Variants in PCCA observed in about 807,000 individuals in gnomAD.
PCCA encodes propionyl-CoA carboxylase subunit alpha, also known as propionyl-CoA carboxylase alpha chain, mitochondrial.
PCCA carries 74 observed loss-of-function variants against 101.3 expected under a neutral mutation model. The ratio of observed to expected loss-of-function variants is 0.73; its 90% CI spans 0.61 to 0.89. PCCA has a LOEUF of 0.89. Ranked by LOEUF, PCCA falls within the 40% of genes least tolerant of loss-of-function variation. The pLI is 0.00. For missense variants in PCCA, 891 were observed against 907.0 expected (o/e 0.98, Z 0.23); for synonymous variants, 294 against 313.6 (o/e 0.94, Z 0.66).
At chr13:100,134,518 A>G (rs1172849152) in intron 4 of PCCA, among the ~76,000 whole-genome samples, 2 of 152,140 alleles carry the variant, frequency 1.3e-5, no homozygotes, top group African/African-American at 4.8e-5. Flanking sequence ...CTTCCAATCC[A>G]TGAACATGGC....
chr13:100,378,780 C>A (rs995052231), intron 19 of PCCA, among the ~76,000 whole-genome samples: 3 of 151,832 alleles, frequency 2.0e-5, no homozygotes, highest in African/African-American at 4.8e-5. Context: ...GTGTCTGATT[C>A]TTTTTTATGA....
chr13:100,242,928 A>C (rs2061234796), intron 8 of PCCA, among the ~76,000 whole-genome samples: 1 of 152,054 alleles, frequency 6.6e-6, no homozygotes, highest in African/African-American at 2.4e-5. Context: ...ACAGAGTCTC[A>C]TTCTGTTGCC....
intron 21 of PCCA, among the ~76,000 whole-genome samples, chr13:100,506,932 C>G (rs2086127210): frequency 1.3e-5 from 2 of 152,096 alleles, no homozygotes; most frequent in African/African-American, 4.8e-5. Flanking sequence ...CTTCATTGTA[C>G]CCCAAATTAT....
chr13:100,132,658 T>A (rs2050666724), intron 4 of PCCA, among the ~76,000 whole-genome samples: 1 of 152,214 alleles, frequency 6.6e-6, no homozygotes, highest in Non-Finnish European at 1.5e-5. Flanking sequence ...TATAAATATC[T>A]AGGAGTGGGA....
At chr13:100,165,729 C>G (rs542035781) in intron 6 of PCCA, among the ~76,000 whole-genome samples, 3 of 152,162 alleles carry the variant, frequency 2.0e-5, no homozygotes, top group African/African-American at 7.2e-5. Flanking sequence ...CTTCAGCATG[C>G]AGTTTTTAAA....
intron 4 of PCCA, among the ~76,000 whole-genome samples, chr13:100,154,010 C>G (rs769208514): frequency 5.9e-5 from 9 of 151,676 alleles, no homozygotes; most frequent in Non-Finnish European, 7.4e-5. Context: ...ACTGAAGACT[C>G]TAACAGAAAT....
chr13:100,264,007 ATATATACGGTATCTGTATATCG>A (rs1342691146), intron 10 of PCCA, among the ~76,000 whole-genome samples: 86 of 149,698 alleles, frequency 5.7e-4, no homozygotes, highest in African/African-American at 2.0e-3. Context: ...TGTATATCGT[ATATATACGGTATCTGTATATCG>A]TATATATACG....
At chr13:100,125,945 G>C (rs958817520) in intron 4 of PCCA, among the ~76,000 whole-genome samples, 1 of 152,182 alleles carries the variant, frequency 6.6e-6, no homozygotes, top group Non-Finnish European at 1.5e-5. Context: ...GCAATGGCTC[G>C]TCTGGGAGTT....
intron 21 of PCCA, among the ~76,000 whole-genome samples, chr13:100,485,378 C>T (rs533185609): frequency 6.6e-6 from 1 of 152,292 alleles, no homozygotes; most frequent in African/African-American, 2.4e-5. Flanking sequence ...AGTTTCTAGG[C>T]AAGGTTTCTG....
chr13:100,342,966 G>A (rs1040667386), intron 18 of PCCA, among the ~76,000 whole-genome samples: 5 of 151,904 alleles, frequency 3.3e-5, no homozygotes, highest in African/African-American at 1.2e-4. Context: ...AAGTGATCCA[G>A]TCCACCAGCC....
chr13:100,202,320 C>A (rs895832663), intron 6 of PCCA, among the ~76,000 whole-genome samples: 4 of 152,070 alleles, frequency 2.6e-5, no homozygotes, highest in Admixed American at 2.0e-4. Context: ...GGTAACAGAG[C>A]AAGACCCTGT....
chr13:100,334,936 A>G (rs754331942), intron 17 of PCCA, among the ~76,000 whole-genome samples: 1 of 152,218 alleles, frequency 6.6e-6, no homozygotes, highest in Non-Finnish European at 1.5e-5. Flanking sequence ...TGAGATTCAG[A>G]CTGGATTAAT....
intron 21 of PCCA, among the ~76,000 whole-genome samples, chr13:100,504,002 T>C (rs914157806): frequency 2.6e-5 from 4 of 152,248 alleles, no homozygotes; most frequent in Non-Finnish European, 4.4e-5. Flanking sequence ...GAGTAAAAGA[T>C]ATACAATAAA....
chr13:100,129,833 A>G (rs918219216), intron 4 of PCCA, among the ~76,000 whole-genome samples: 2 of 152,162 alleles, frequency 1.3e-5, no homozygotes, highest in African/African-American at 4.8e-5. Flanking sequence ...TTGTGAGAAC[A>G]TTCTCGCCAT....
chr13:100,253,854 A>ATT (rs71114677), intron 8 of PCCA, among the ~76,000 whole-genome samples: 7 of 138,380 alleles, frequency 5.1e-5, no homozygotes, highest in African/African-American at 1.7e-4. Context: ...CTAGAGCCTG[A>ATT]TTTTTTTTTT....
chr13:100,359,075 G>C (rs1202305719), intron 18 of PCCA, among the ~76,000 whole-genome samples: 6 of 130,210 alleles, frequency 4.6e-5, no homozygotes, highest in African/African-American at 1.8e-4. Flanking sequence ...ACTCCAGCCT[G>C]GGCAACAGAG....
intron 19 of PCCA, among the ~76,000 whole-genome samples, chr13:100,410,362 C>T (rs1034801759): frequency 1.3e-5 from 2 of 152,148 alleles, no homozygotes; most frequent in Non-Finnish European, 2.9e-5. Context: ...CCTGCCTTAG[C>T]CCTCTGAGTA....
chr13:100,233,539 CT>C lies in PCCA; in HGVS notation c.601-2298del, dbSNP rs146291782. ...CCATTGAATTTGGAGCTATATAGGG[CT>C]TTTTATCTCTTCAAAAGTAATTTTG... is the stretch of plus-strand genomic sequence containing the variant. On this transcript the variant is annotated intron_variant, in intron 7 of 23. Coordinates refer to ENST00000376285, the MANE Select transcript of PCCA (RefSeq NM_000282.4). Among the ~76,000 whole-genome samples, 616 of 152,136 alleles carry C rather than the reference CT, an allele frequency of 4.0e-3. 6 individuals are homozygous for C. Among genetic ancestry groups the C allele is most frequent in the East Asian group, 0.039 (200 of 5,168 alleles).
At chr13:100,099,580 G>A (rs2047091279) in intron 1 of PCCA, among the ~76,000 whole-genome samples, 1 of 152,010 alleles carries the variant, frequency 6.6e-6, no homozygotes, top group Non-Finnish European at 1.5e-5. Flanking sequence ...GCCTCTCAAA[G>A]TGCTGGGATT....
Sources: allele counts gnomAD v4.1 joint callset (sites outside exome capture counted in the v4.1 genomes callset), GRCh38; gene constraint gnomAD v4.1.1; transcripts MANE v1.5; gene names NCBI Gene and HGNC (gene_info 2026-07-23, HGNC 2026-07-21).